The following PCBP3 variants were observed in gnomAD, a reference collection of about 807,000 sequenced individuals.
PCBP3 encodes poly(rC) binding protein 3, also known as poly(rC)-binding protein 3.
In PCBP3, 25 loss-of-function variants were observed where a neutral mutation model predicts 52.7. That is an observed-to-expected ratio of 0.47 (90% CI 0.35 to 0.66). The LOEUF is 0.66. Ranked by LOEUF, PCBP3 falls within the 30% of genes least tolerant of loss-of-function variation. PCBP3 has a pLI of 0.01. For synonymous variants in PCBP3, 162 were observed against 183.0 expected (o/e 0.89, Z 0.93); for missense variants, 391 against 490.3 (o/e 0.80, Z 1.91).
chr21:45,747,244 T>C (rs897214233), intron 3 of PCBP3, among the ~76,000 whole-genome samples: 5 of 152,174 alleles, frequency 3.3e-5, no homozygotes. Flanking sequence ...TTCACTACCA[T>C]GAGAACATGA....
intron 4 of PCBP3, among the ~76,000 whole-genome samples, chr21:45,808,213 G>T (rs1205044375): frequency 1.3e-5 from 2 of 152,158 alleles, no homozygotes; most frequent in Non-Finnish European, 2.9e-5. Context: ...TTAAACTAAA[G>T]AGCTTCTGCA....
At chr21:45,866,821 C>T (rs116789813) in intron 5 of PCBP3, among the ~76,000 whole-genome samples, 2,936 of 152,258 alleles carry the variant, frequency 0.019, 88 homozygotes, top group African/African-American at 0.067. Flanking sequence ...TCCTGCCCAC[C>T]CCACCCCCGT....
At chr21:45,755,019 A>G (rs75060835) in intron 3 of PCBP3, among the ~76,000 whole-genome samples, 1,549 of 152,266 alleles carry the variant, frequency 0.01, 17 homozygotes, top group African/African-American at 0.033. Context: ...TCACCCTTTT[A>G]AGGATACAGT....
At chr21:45,686,883 G>A (rs2082186442) in intron 2 of PCBP3, among the ~76,000 whole-genome samples, 1 of 152,084 alleles carries the variant, frequency 6.6e-6, no homozygotes, top group Non-Finnish European at 1.5e-5. Context: ...AGTGACCTGT[G>A]GAACAGTATC....
chr21:45,840,674 G>A (rs559019322), intron 4 of PCBP3, among the ~76,000 whole-genome samples: 2 of 152,228 alleles, frequency 1.3e-5, no homozygotes, highest in African/African-American at 4.8e-5. Context: ...GCCCTAGACA[G>A]GTGTGCCATT....
intron 4 of PCBP3, among the ~76,000 whole-genome samples, chr21:45,784,499 C>T (rs776865474): frequency 6.6e-6 from 1 of 152,118 alleles, no homozygotes; most frequent in Non-Finnish European, 1.5e-5. Context: ...CACTGTCTCC[C>T]TCTGATGCCG....
intron 4 of PCBP3, among the ~76,000 whole-genome samples, chr21:45,806,698 G>C (rs2092514127): frequency 6.6e-6 from 1 of 151,938 alleles, no homozygotes; most frequent in South Asian, 2.1e-4. Flanking sequence ...CCACAAAGCA[G>C]ACCCCAAAGG....
At chr21:45,858,141 C>T (rs760436) in intron 5 of PCBP3, among the ~76,000 whole-genome samples, 117,016 of 152,202 alleles carry the variant, frequency 0.77, 45,528 homozygotes, top group East Asian at 1. Flanking sequence ...GATCTTAATC[C>T]GCTCAGAGGT....
chr21:45,892,482 C>T lies in PCBP3; in HGVS notation c.11-3726C>T, dbSNP rs1258202078. Among the ~76,000 whole-genome samples the T allele has an allele frequency of 3.3e-4, 39 of 118,018 alleles. No homozygotes were observed. The South Asian group carries it at 9.3e-3, about 28-fold the overall frequency. 77.4% of individuals were successfully genotyped at this position (118,018 alleles called of 152,430 possible). On this transcript the variant is annotated intron_variant, in intron 5 of 17. Transcript: ENST00000681687. ...CTCTGACGGGGCGTGGGGGGGGGGG[C>T]GGTCCCGTCTCTCACGGGGCGTGGA...
intron 2 of PCBP3, among the ~76,000 whole-genome samples, chr21:45,721,074 G>C (rs1370242359): frequency 2.0e-5 from 3 of 152,186 alleles, no homozygotes; most frequent in Non-Finnish European, 4.4e-5. Context: ...CTTGCCTCAA[G>C]TTGCGGAAGC....
intron 2 of PCBP3, among the ~76,000 whole-genome samples, chr21:45,719,065 G>A (rs1307162313): frequency 1.3e-5 from 2 of 152,166 alleles, no homozygotes; most frequent in East Asian, 1.9e-4. Flanking sequence ...TGGGACGGGA[G>A]GTCAGTGTGT....
chr21:45,738,882 A>G (rs1466224750), intron 3 of PCBP3, among the ~76,000 whole-genome samples: 1 of 90,688 alleles, frequency 1.1e-5, no homozygotes, highest in Non-Finnish European at 2.0e-5. Flanking sequence ...CCCTATCTTC[A>G]TCAGCCCACC....
intron 13 of PCBP3, among the ~76,000 whole-genome samples, chr21:45,926,320 TCG>T (rs2075401841): frequency 6.6e-6 from 1 of 152,222 alleles, no homozygotes; most frequent in Non-Finnish European, 1.5e-5. Context: ...TAAGCACAGC[TCG>T]TCATTCTAAA....
chr21:45,914,108 G>C (rs559984852), intron 12 of PCBP3, 83 bp downstream of exon 12: 1 of 1,604,974 alleles, frequency 6.2e-7, no homozygotes. Context: ...AGTGCACTCA[G>C]GTTTTCTCGC....
At chr21:45,747,931 G>A (rs1389570378) in intron 3 of PCBP3, 3 of 152,194 alleles carry the variant, frequency 2.0e-5, no homozygotes, top group South Asian at 2.1e-4. Flanking sequence ...CTGCCCTCCC[G>A]GAGGTTGAGA....
In PCBP3 at chr21:45,776,163, GT is replaced by G. The variant is rs2090236768; in HGVS notation, c.-126+20713del. ...TGGTATTGATTTCTGGTTTTATTCTGTTGTGGTCTAAGAAGATAGTTGATAT... is the reference window on the plus strand; with the variant it reads ...TGGTATTGATTTCTGGTTTTATTCTGTGTGGTCTAAGAAGATAGTTGATAT... On this transcript the variant is annotated intron_variant, in intron 4 of 17. Transcript: ENST00000681687. 4.6e-5 allele frequency among the ~76,000 whole-genome samples: 7 copies of G among 152,190 alleles called. No homozygotes were observed. The South Asian group carries it at 1.5e-3, about 32-fold the overall frequency.
chr21:45,899,689 C>T, intron 7 of PCBP3, 67 bp downstream of exon 7: 1 of 1,276,268 alleles, frequency 7.8e-7, no homozygotes, highest in African/African-American at 1.5e-5. Flanking sequence ...ATGGCAGCCT[C>T]CCTGGGTACT....
chr21:45,708,641 C>G (rs915259330), intron 2 of PCBP3, among the ~76,000 whole-genome samples: 4 of 152,192 alleles, frequency 2.6e-5, no homozygotes, highest in African/African-American at 9.7e-5. Context: ...GAAAAGCTAG[C>G]AACCGTAGCT....
In PCBP3 at chr21:45,825,820, G is replaced by C. The variant is rs8130775; in HGVS notation, c.-125-24141G>C. ...GGGGTTGGTGGTGGGACGTGGGGGC[G>C]CATGTGGAATCTTTCACAGGGAGGG... is the stretch of plus-strand genomic sequence containing the variant. On this transcript the variant is annotated intron_variant, in intron 4 of 17. Coordinates refer to ENST00000681687, the MANE Select transcript of PCBP3 (RefSeq NM_001384156.1). Among the ~76,000 whole-genome samples the C allele has an allele frequency of 2.3e-3, 355 of 152,250 alleles. 6 individuals carry two copies. Among genetic ancestry groups the C allele is most frequent in the African/African-American group, 7.9e-3 (330 of 41,534 alleles).
Sources: gnomAD v4.1 joint callset for allele counts (sites outside exome capture counted in the v4.1 genomes callset) on GRCh38, gnomAD v4.1.1 for gene constraint, MANE v1.5 for transcripts, NCBI Gene and HGNC (gene_info 2026-07-23, HGNC 2026-07-21) for gene names.